Variants in CTDSPL observed in about 807,000 individuals in gnomAD.
CTDSPL encodes the protein CTD small phosphatase like, also known as CTD small phosphatase-like protein.
A neutral mutation model predicts 30.5 loss-of-function variants in CTDSPL; 8 were observed. The ratio of observed to expected loss-of-function variants is 0.26; its 90% CI spans 0.15 to 0.47. CTDSPL has a LOEUF of 0.47. Ranked by LOEUF, CTDSPL falls within the 20% of genes least tolerant of loss-of-function variation. The probability of loss-of-function intolerance (pLI) is 0.99; values close to 1 mark genes in which losing one functional copy is unlikely to be tolerated. For synonymous variants in CTDSPL, 110 were observed against 137.9 expected, an observed-to-expected ratio of 0.80 and a Z score of 1.42; for missense variants, 248 against 366.1, an observed-to-expected ratio of 0.68 and a Z score of 2.63.
chr3:37,902,051 G>A (rs1366782711), intron 1 of CTDSPL, among the ~76,000 whole-genome samples: 1 of 152,134 alleles, frequency 6.6e-6, no homozygotes, highest in Non-Finnish European at 1.5e-5. Flanking sequence ...AAGGAGGAAG[G>A]AGCAATTCCT....
chr3:37,968,354 ACCCC>A (rs1337327027), intron 5 of CTDSPL: 8 of 388,700 alleles, frequency 2.1e-5, no homozygotes, highest in Admixed American at 9.5e-5. Context: ...GCAAATACCC[ACCCC>A]AAAAGAAAAA....
chr3:37,926,785 A>G (rs1698786367), intron 1 of CTDSPL, among the ~76,000 whole-genome samples: 1 of 152,226 alleles, frequency 6.6e-6, no homozygotes, highest in South Asian at 2.1e-4. Context: ...TGCAGTGTTC[A>G]GTGTTAGGCA....
intron 6 of CTDSPL, among the ~76,000 whole-genome samples, chr3:37,972,017 T>C (rs1404731406): frequency 6.6e-6 from 1 of 152,182 alleles, no homozygotes; most frequent in African/African-American, 2.4e-5. Context: ...CTTCTATAAA[T>C]TGGGGATAAT....
intron 1 of CTDSPL, among the ~76,000 whole-genome samples, chr3:37,945,875 A>G (rs763774102): frequency 2.6e-5 from 4 of 152,230 alleles, no homozygotes; most frequent in Non-Finnish European, 5.9e-5. Flanking sequence ...TGCTGCTGGC[A>G]GAAGAGCACC....
At chr3:37,892,692 G>A (rs1042900820) in intron 1 of CTDSPL, among the ~76,000 whole-genome samples, 5 of 152,060 alleles carry the variant, frequency 3.3e-5, no homozygotes, top group East Asian at 1.9e-4. Flanking sequence ...CCAAAGCCAC[G>A]TGACCATAAG....
chr3:37,910,503 CA>C (rs1327710880), intron 1 of CTDSPL, among the ~76,000 whole-genome samples: 1 of 151,430 alleles, frequency 6.6e-6, no homozygotes, highest in Non-Finnish European at 1.5e-5. Flanking sequence ...AACAAAAAAA[CA>C]AAAAACAAAA....
chr3:37,940,972 C>T (rs1698971327), intron 1 of CTDSPL, among the ~76,000 whole-genome samples: 1 of 150,328 alleles, frequency 6.7e-6, no homozygotes. Context: ...TATATGTGTA[C>T]TTTAAGCTGC....
intron 3 of CTDSPL, among the ~76,000 whole-genome samples, chr3:37,960,525 TATATATATATACACACAC>T (rs1352234380): frequency 2.9e-4 from 19 of 65,074 alleles, no homozygotes; most frequent in African/African-American, 1.0e-3. Context: ...TATATATATA[TATATATATATACACACAC>T]ACACACACAC....
intron 1 of CTDSPL, among the ~76,000 whole-genome samples, chr3:37,886,858 T>C (rs1446731957): frequency 6.6e-6 from 1 of 152,220 alleles, no homozygotes; most frequent in African/African-American, 2.4e-5. Context: ...TCTGATGTGG[T>C]AGGTTTAGGG....
chr3:37,929,718 G>T (rs141734799), intron 1 of CTDSPL, among the ~76,000 whole-genome samples: 1 of 152,086 alleles, frequency 6.6e-6, no homozygotes, highest in Non-Finnish European at 1.5e-5. Context: ...AGATCATGTC[G>T]CTGTGATATT....
intron 1 of CTDSPL, among the ~76,000 whole-genome samples, chr3:37,871,286 T>C (rs1399210756): frequency 2.0e-5 from 3 of 152,228 alleles, no homozygotes; most frequent in African/African-American, 7.2e-5. Context: ...TCATGGCTTG[T>C]TAACTTATTT....
intron 1 of CTDSPL, among the ~76,000 whole-genome samples, chr3:37,930,605 T>A (rs1698841489): frequency 6.6e-6 from 1 of 152,164 alleles, no homozygotes; most frequent in African/African-American, 2.4e-5. Flanking sequence ...CCACCACACT[T>A]AGATAATTAG....
chr3:37,916,013 A>G (rs1384517596), intron 1 of CTDSPL, among the ~76,000 whole-genome samples: 2 of 152,186 alleles, frequency 1.3e-5, no homozygotes, highest in Admixed American at 1.3e-4. Flanking sequence ...GAACGAGTCC[A>G]CTTCTTGTGG....
Position 37,927,707 on chromosome 3 carries a change from A to ATATATATAT in CTDSPL, c.80-19350_80-19349insTATATATAT, listed in dbSNP as rs1559636073. ...GTGTATATATATATATATATATATA[A>ATATATATAT]AAAATGAAATCTACCCTCTTAAGTT... is the stretch of plus-strand genomic sequence containing the variant. On this transcript the variant is annotated intron_variant, in intron 1 of 7. Transcript: ENST00000273179. Among the ~76,000 whole-genome samples, 150 of 135,076 alleles carry ATATATATAT rather than the reference A, an allele frequency of 1.1e-3. 1 individual carries two copies. Among genetic ancestry groups the ATATATATAT allele is most frequent in the Admixed American group, 2.2e-3 (30 of 13,592 alleles). The allele number at this position is 135,076 out of a possible 152,430, so 88.6% of individuals were successfully genotyped here. A position where few individuals can be genotyped will look rare whatever the true frequency, so the allele number is the denominator to read the frequency against.
intron 6 of CTDSPL, among the ~76,000 whole-genome samples, chr3:37,972,091 G>A (rs13316553): frequency 0.17 from 25,121 of 152,164 alleles, 2,236 homozygotes; most frequent in African/African-American, 0.22. Context: ...ACAGTGTCTG[G>A]CTCACATACA....
chr3:37,956,698 C>G (rs1379748243), intron 2 of CTDSPL, among the ~76,000 whole-genome samples: 1 of 152,126 alleles, frequency 6.6e-6, no homozygotes, highest in African/African-American at 2.4e-5. Context: ...AACATGTCTT[C>G]CATTCCCTGC....
chr3:37,864,626 T>C (rs1216780253), intron 1 of CTDSPL, among the ~76,000 whole-genome samples: 1 of 152,150 alleles, frequency 6.6e-6, no homozygotes, highest in African/African-American at 2.4e-5. Context: ...GAGTCAAATG[T>C]TGGAATAATT....
At position 37,944,929 on chromosome 3, in the gene CTDSPL, T is replaced by C. The variant is rs1183212928; in HGVS notation, c.80-2128T>C. 1.3e-5 allele frequency: 2 copies of C among 150,446 alleles called. 1 individual carries two copies. The highest frequency in any genetic ancestry group is 3.0e-5 in the Non-Finnish European group (2 of 67,092). The allele number at this position is 150,446 out of a possible 1,614,324, so 9.3% of individuals were successfully genotyped here. ...GTAATCATGTGGTAGAAATTATGAA[T>C]AGTGTACTGGTTCCAAGTTTATGAA... On this transcript the variant is annotated intron_variant, in intron 1 of 7. Transcript: ENST00000273179.
In CTDSPL at chr3:37,984,223, G is replaced by C; in HGVS notation, c.*3356G>C. ...CCTACTGTACTGTAACTTTGATCAT[G>C]TCTGTTCCTGTTCCATTCTCCCAGG... On this transcript the variant is annotated 3_prime_UTR_variant, in exon 8 of 8. Transcript: ENST00000273179. The C allele has an allele frequency of 2.2e-6, 1 of 456,602 alleles. No individual in the cohort carries two copies. The highest frequency in any genetic ancestry group is 4.4e-6 in the Non-Finnish European group (1 of 226,988). 28.3% of individuals were successfully genotyped at this position (456,602 alleles called of 1,614,324 possible). A position where few individuals can be genotyped will look rare whatever the true frequency, so the allele number is the denominator to read the frequency against.
Sources: allele counts gnomAD v4.1 joint callset (sites outside exome capture counted in the v4.1 genomes callset), GRCh38; gene constraint gnomAD v4.1.1; transcripts MANE v1.5; gene names NCBI Gene and HGNC (gene_info 2026-07-23, HGNC 2026-07-21).